CDK5RAP2: variants seen among roughly 807,000 people sequenced by gnomAD.
CDK5RAP2 encodes the protein CDK5 regulatory subunit-associated protein 2.
Under a neutral mutation model 232.9 loss-of-function variants are expected in CDK5RAP2, and 147 were observed. The ratio of observed to expected loss-of-function variants is 0.63; its 90% CI spans 0.55 to 0.72. The LOEUF (loss-of-function observed/expected upper bound fraction) is 0.72. Among genes scored for constraint, CDK5RAP2 ranks in the 30% least tolerant of loss-of-function variants. The pLI, the probability that CDK5RAP2 is intolerant of heterozygous loss-of-function variation, is 0.00. For missense variants in CDK5RAP2, 2,195 were observed against 2,231.5 expected (o/e 0.98, Z 0.33); for synonymous variants, 833 against 833.7 (o/e 1.00, Z 0.01).
intron 7 of CDK5RAP2, 49 bp downstream of exon 7, chr9:120,536,323 C>A (rs748576527): frequency 9.4e-6 from 15 of 1,595,966 alleles, no homozygotes; most frequent in South Asian, 8.8e-5. Context: ...TCTTTCCCCA[C>A]GCTGCCAGAT....
intron 22 of CDK5RAP2, among the ~76,000 whole-genome samples, chr9:120,446,317 C>T (rs1408539949): frequency 1.1e-4 from 16 of 152,090 alleles, no homozygotes; most frequent in African/African-American, 3.9e-4. Flanking sequence ...ACCTCCACCT[C>T]GTGGGTTCAA....
intron 26 of CDK5RAP2, 136 bp from the exon 27 acceptor site, chr9:120,420,096 T>G: frequency 2.7e-6 from 2 of 729,414 alleles, no homozygotes; most frequent in Non-Finnish European, 4.9e-6. Context: ...ACCTTTTATT[T>G]CCCTACAGCA....
At chr9:120,431,526 C>T (rs546858489) in intron 25 of CDK5RAP2, among the ~76,000 whole-genome samples, 1 of 152,366 alleles carries the variant, frequency 6.6e-6, no homozygotes, top group South Asian at 2.1e-4. Flanking sequence ...AAAGATCAGT[C>T]TTTCTCACTT....
chr9:120,442,796 A>C (rs549786737), intron 23 of CDK5RAP2, among the ~76,000 whole-genome samples: 1 of 152,324 alleles, frequency 6.6e-6, no homozygotes, highest in East Asian at 1.9e-4. Context: ...TGTTCACTGC[A>C]GTGACTCTGG....
chr9:120,528,677 C>A, intron 9 of CDK5RAP2, 67 bp downstream of exon 9: 2 of 984,374 alleles, frequency 2.0e-6, no homozygotes, highest in Non-Finnish European at 3.3e-6. Flanking sequence ...CTGCTGCACT[C>A]AGAATAAAAC....
chr9:120,496,527 C>T (rs2039255528), intron 12 of CDK5RAP2, among the ~76,000 whole-genome samples: 4 of 144,090 alleles, frequency 2.8e-5, no homozygotes, highest in East Asian at 2.1e-4. Flanking sequence ...GTCGGCCCCC[C>T]GCCCGGCCAG....
At chr9:120,522,257 A>G (rs2040701762) in intron 11 of CDK5RAP2, among the ~76,000 whole-genome samples, 1 of 152,254 alleles carries the variant, frequency 6.6e-6, no homozygotes, top group East Asian at 1.9e-4. Context: ...ATTACATCAC[A>G]ATTATGCAAG....
intron 7 of CDK5RAP2, among the ~76,000 whole-genome samples, chr9:120,534,191 C>T (rs1020668079): frequency 6.6e-6 from 1 of 152,132 alleles, no homozygotes; most frequent in African/African-American, 2.4e-5. Context: ...CCCAGCTTCC[C>T]TCTCCTCACC....
intron 16 of CDK5RAP2, among the ~76,000 whole-genome samples, chr9:120,471,025 C>T (rs758425908): frequency 6.6e-6 from 1 of 152,212 alleles, no homozygotes; most frequent in African/African-American, 2.4e-5. Flanking sequence ...TTAATACTTA[C>T]TCTACCTAAT....
chr9:120,473,784 G>A (rs1394791105), intron 15 of CDK5RAP2, among the ~76,000 whole-genome samples: 1 of 152,222 alleles, frequency 6.6e-6, no homozygotes, highest in African/African-American at 2.4e-5. Context: ...AAAAGAGACT[G>A]TTTTAGAGAA....
chr9:120,421,108 T>C (rs1320859903), intron 26 of CDK5RAP2, among the ~76,000 whole-genome samples: 1 of 152,190 alleles, frequency 6.6e-6, no homozygotes, highest in African/African-American at 2.4e-5. Flanking sequence ...GAATAGTGTT[T>C]GGACTTTTAA....
chr9:120,504,689 G>A (rs564828164), intron 12 of CDK5RAP2, among the ~76,000 whole-genome samples: 8 of 152,130 alleles, frequency 5.3e-5, no homozygotes, highest in East Asian at 1.9e-4. Context: ...GCTACCCTAC[G>A]AGGAGTCTAC....
chr9:120,492,929 T>C (rs1392035378), intron 12 of CDK5RAP2, among the ~76,000 whole-genome samples: 1 of 152,218 alleles, frequency 6.6e-6, no homozygotes, highest in Non-Finnish European at 1.5e-5. Context: ...GTCGTTTCCT[T>C]TCTTTCACTA....
chr9:120,498,811 A>G (rs890487114), intron 12 of CDK5RAP2, among the ~76,000 whole-genome samples: 6 of 152,038 alleles, frequency 3.9e-5, no homozygotes, highest in Non-Finnish European at 1.5e-5. Context: ...ACTTGAGCCC[A>G]GGAATTTGAC....
intron 10 of CDK5RAP2, among the ~76,000 whole-genome samples, chr9:120,525,619 C>CT (rs200317852): frequency 1.1e-4 from 17 of 148,064 alleles, no homozygotes; most frequent in South Asian, 2.2e-4. Context: ...ACAATGTTGA[C>CT]TTTTTTTTTT....
At chr9:120,488,103 G>T (rs762682803) in intron 13 of CDK5RAP2, among the ~76,000 whole-genome samples, 2 of 152,106 alleles carry the variant, frequency 1.3e-5, no homozygotes, top group African/African-American at 2.4e-5. Context: ...CTTCTGCATG[G>T]AATCTATTCC....
At chr9:120,467,073 T>A (rs1588415685) in intron 18 of CDK5RAP2, among the ~76,000 whole-genome samples, 1 of 152,222 alleles carries the variant, frequency 6.6e-6, no homozygotes, top group Middle Eastern at 3.4e-3. Flanking sequence ...GGAAACAACA[T>A]CACAACTTCA....
chr9:120,527,103 T>C (rs1304739050), intron 10 of CDK5RAP2, among the ~76,000 whole-genome samples: 1 of 152,176 alleles, frequency 6.6e-6, no homozygotes, highest in Non-Finnish European at 1.5e-5. Context: ...CTGGGTTTTC[T>C]TCTCTGTCTG....
intron 18 of CDK5RAP2, among the ~76,000 whole-genome samples, chr9:120,465,774 A>G (rs2037345027): frequency 6.6e-6 from 1 of 152,204 alleles, no homozygotes; most frequent in Non-Finnish European, 1.5e-5. Flanking sequence ...GAAATTAAAA[A>G]TGGCAAATCA....
Sources: allele counts gnomAD v4.1 joint callset (sites outside exome capture counted in the v4.1 genomes callset), GRCh38; gene constraint gnomAD v4.1.1; transcripts MANE v1.5; gene names NCBI Gene and HGNC (gene_info 2026-07-23, HGNC 2026-07-21).